PCDH15: variants seen among roughly 807,000 people sequenced by gnomAD.
PCDH15 encodes the protein protocadherin related 15.
In PCDH15, 129 loss-of-function variants were observed where a neutral mutation model predicts 178.5. The ratio of observed to expected loss-of-function variants is 0.72; its 90% CI spans 0.63 to 0.84. The LOEUF is 0.84. PCDH15 is among the 40% of genes least tolerant of loss of function. PCDH15 has a pLI of 0.00. For missense variants in PCDH15, 2,230 were observed against 2,099.9 expected (o/e 1.06, Z -1.21); for synonymous variants, 800 against 732.0 (o/e 1.09, Z -1.50).
chr10:55,376,778 T>C (rs1398554963), intron 2 of PCDH15, among the ~76,000 whole-genome samples: 1 of 152,054 alleles, frequency 6.6e-6, no homozygotes, highest in African/African-American at 2.4e-5. Flanking sequence ...CTCTGAAATA[T>C]GTAGATCCTT....
chr10:53,873,822 G>A (rs1290389906), intron 26 of PCDH15, among the ~76,000 whole-genome samples: 1 of 152,136 alleles, frequency 6.6e-6, no homozygotes, highest in Admixed American at 6.5e-5. Context: ...AGTTCATGAT[G>A]GCAGAGCCCC....
chr10:54,146,906 A>AGTGTATATATATAGT (rs1554813378), intron 14 of PCDH15, among the ~76,000 whole-genome samples: 8,082 of 123,734 alleles, frequency 0.065, 652 homozygotes, highest in East Asian at 0.34. Flanking sequence ...ATATATATAT[A>AGTGTATATATATAGT]GTGTATATAT....
At chr10:54,660,542 G>A (rs1044636072) in intron 2 of PCDH15, among the ~76,000 whole-genome samples, 3 of 152,044 alleles carry the variant, frequency 2.0e-5, no homozygotes, top group African/African-American at 7.2e-5. Context: ...CATAGAAAGA[G>A]CTAGTACCCA....
At position 54,765,283 on chromosome 10, in the gene PCDH15, G is replaced by A. The variant is rs554332383; in HGVS notation, c.-29+35642C>T. Reference sequence around the variant, plus strand: ...CTAAATACCTTTTTAGCAAAAAATAGAATGTATCAAAATCGTAAATGCTGA... The same window carrying A: ...CTAAATACCTTTTTAGCAAAAAATAAAATGTATCAAAATCGTAAATGCTGA... On this transcript the variant is annotated intron_variant, in intron 1 of 37. Transcript: ENST00000644397. 7.9e-5 allele frequency among the ~76,000 whole-genome samples: 12 copies of A among 152,134 alleles called. No individual in the cohort carries two copies. The East Asian group carries it at 2.1e-3, about 27-fold the overall frequency.
chr10:54,631,914 G>A (rs972444833), intron 2 of PCDH15, among the ~76,000 whole-genome samples: 10 of 152,042 alleles, frequency 6.6e-5, no homozygotes, highest in South Asian at 4.2e-4. Context: ...AACCGCCCCC[G>A]TGATTCAACT....
intron 2 of PCDH15, among the ~76,000 whole-genome samples, chr10:55,546,207 T>C (rs1293314647): frequency 6.6e-6 from 1 of 152,152 alleles, no homozygotes; most frequent in Admixed American, 6.6e-5. Context: ...GGGAAAAACA[T>C]GTACAATTGA....
chr10:55,002,299 T>C (rs1223233292), intron 2 of PCDH15, among the ~76,000 whole-genome samples: 2 of 152,236 alleles, frequency 1.3e-5, no homozygotes, highest in African/African-American at 4.8e-5. Flanking sequence ...TGCTGAATAG[T>C]CTTAAAGTGA....
At chr10:54,805,539 A>C (rs1952765950), upstream of PCDH15, among the ~76,000 whole-genome samples, 1 of 152,098 alleles carries the variant, frequency 6.6e-6, no homozygotes, top group Non-Finnish European at 1.5e-5. Flanking sequence ...TTTTATTCTG[A>C]CACCCTTTTA....
At chr10:55,569,663 T>C (rs1039371744) in intron 2 of PCDH15, among the ~76,000 whole-genome samples, 2 of 151,946 alleles carry the variant, frequency 1.3e-5, no homozygotes, top group Admixed American at 1.3e-4. Flanking sequence ...TCTAAGGAAA[T>C]GTGGGTGAGT....
chr10:55,178,131 A>T (rs950915889), intron 1 of PCDH15, among the ~76,000 whole-genome samples: 3 of 152,152 alleles, frequency 2.0e-5, no homozygotes, highest in African/African-American at 2.4e-5. Context: ...CCCTTTAAAC[A>T]CCATCAGGAA....
intron 21 of PCDH15, among the ~76,000 whole-genome samples, chr10:53,980,917 T>C (rs967238142): frequency 7.2e-5 from 11 of 152,212 alleles, no homozygotes; most frequent in African/African-American, 2.4e-4. Context: ...GGGTAGTATG[T>C]AACTTATTTA....
At position 54,144,354 on chromosome 10, in the gene PCDH15, C is replaced by G. The variant is rs183937894; in HGVS notation, c.1784+8746G>C. On this transcript the variant is annotated intron_variant, in intron 14 of 37. Transcript: ENST00000644397. ...ACCCTTCTGGTCTTAAAGCTTGAAA[C>G]TTTTGTGAATTGTTTTCTGTTTTAT... Among the ~76,000 whole-genome samples the G allele has an allele frequency of 2.6e-5, 4 of 152,240 alleles. No homozygotes were observed. The East Asian group carries it at 5.8e-4, about 22-fold the overall frequency.
intron 2 of PCDH15, among the ~76,000 whole-genome samples, chr10:55,432,332 T>C (rs990944430): frequency 7.9e-5 from 12 of 152,218 alleles, no homozygotes; most frequent in African/African-American, 2.7e-4. Context: ...GTAGACAATA[T>C]AGAAATGATG....
intron 2 of PCDH15, among the ~76,000 whole-genome samples, chr10:55,440,085 C>T (rs1042742408): frequency 7.9e-5 from 12 of 152,048 alleles, no homozygotes; most frequent in Admixed American, 6.5e-4. Context: ...ATAAAAGACA[C>T]ATTTTACTTG....
At chr10:54,275,754 C>T (rs996318881) in intron 8 of PCDH15, among the ~76,000 whole-genome samples, 3 of 151,476 alleles carry the variant, frequency 2.0e-5, no homozygotes, top group African/African-American at 4.8e-5. Flanking sequence ...CTTATAACTA[C>T]AACATTCATA....
At chr10:55,417,434 T>A (rs1331011051) in intron 2 of PCDH15, among the ~76,000 whole-genome samples, 1 of 151,822 alleles carries the variant, frequency 6.6e-6, no homozygotes, top group East Asian at 1.9e-4. Flanking sequence ...AAGTAATATG[T>A]AAAATATAAA....
intron 20 of PCDH15, among the ~76,000 whole-genome samples, chr10:54,007,500 A>G (rs973800436): frequency 6.6e-6 from 1 of 152,310 alleles, no homozygotes; most frequent in East Asian, 1.9e-4. Context: ...TCTTGTATAT[A>G]CAAGGAAAAA....
chr10:54,622,166 T>C (rs75760611), intron 2 of PCDH15, among the ~76,000 whole-genome samples: 4,523 of 151,808 alleles, frequency 0.03, 215 homozygotes, highest in African/African-American at 0.099. Context: ...ATCCCTGTCA[T>C]AGGAAGAGAT....
intron 3 of PCDH15, among the ~76,000 whole-genome samples, chr10:54,407,331 G>T (rs1262777865): frequency 2.0e-5 from 3 of 151,920 alleles, no homozygotes; most frequent in African/African-American, 7.3e-5. Flanking sequence ...GTTAACGTTG[G>T]TATATTTCAT....
Sources: gnomAD v4.1 joint callset for allele counts (sites outside exome capture counted in the v4.1 genomes callset) on GRCh38, gnomAD v4.1.1 for gene constraint, MANE v1.5 for transcripts, NCBI Gene and HGNC (gene_info 2026-07-23, HGNC 2026-07-21) for gene names.